ULK4: variants seen among roughly 807,000 people sequenced by gnomAD.
ULK4 encodes the protein unc-51 like kinase 4, also known as inactive serine/threonine-protein kinase ULK4.
A neutral mutation model predicts 160.6 loss-of-function variants in ULK4; 133 were observed. The ratio of observed to expected loss-of-function variants is 0.83; its 90% confidence interval spans 0.72 to 0.96. ULK4 has a LOEUF of 0.96. Ranked by LOEUF, ULK4 falls within the 40% of genes least tolerant of loss-of-function variation. The pLI, the probability that ULK4 is intolerant of heterozygous loss-of-function variation, is 0.00. For synonymous variants in ULK4, 534 were observed against 539.8 expected (o/e 0.99, Z 0.15); for missense variants, 1,580 against 1,499.5 (o/e 1.05, Z -0.89).
intron 12 of ULK4, among the ~76,000 whole-genome samples, chr3:41,905,775 T>G (rs112011853): frequency 6.6e-6 from 1 of 152,066 alleles, no homozygotes; most frequent in Non-Finnish European, 1.5e-5. Context: ...CACTAAGACA[T>G]AGAAATTCAC....
At chr3:41,792,068 A>G (rs966765541) in intron 20 of ULK4, among the ~76,000 whole-genome samples, 3 of 152,234 alleles carry the variant, frequency 2.0e-5, no homozygotes, top group African/African-American at 7.2e-5. Flanking sequence ...TGGGTAAATC[A>G]GATACCATGG....
intron 5 of ULK4, among the ~76,000 whole-genome samples, chr3:41,928,009 A>G (rs1257775903): frequency 1.3e-5 from 2 of 152,206 alleles, no homozygotes; most frequent in Non-Finnish European, 2.9e-5. Context: ...CAGACCTAAT[A>G]GACATCTACA....
intron 6 of ULK4, 54 bp downstream of exon 6, chr3:41,919,663 T>G: frequency 6.9e-7 from 1 of 1,458,028 alleles, no homozygotes; most frequent in Non-Finnish European, 9.6e-7. Context: ...AAGTACAGAC[T>G]TAACCTGGTT....
At chr3:41,748,550 T>C (rs2038500738) in intron 22 of ULK4, among the ~76,000 whole-genome samples, 1 of 152,156 alleles carries the variant, frequency 6.6e-6, no homozygotes, top group Non-Finnish European at 1.5e-5. Context: ...AAAGACCACT[T>C]CATTTTTATT....
intron 17 of ULK4, among the ~76,000 whole-genome samples, chr3:41,838,792 T>C (rs960681520): frequency 2.6e-5 from 4 of 152,120 alleles, no homozygotes; most frequent in South Asian, 2.1e-4. Context: ...ACAATTACAG[T>C]TGTGAACTTC....
chr3:41,523,129 G>A (rs1049977341), intron 32 of ULK4, among the ~76,000 whole-genome samples: 8 of 151,922 alleles, frequency 5.3e-5, no homozygotes, highest in African/African-American at 1.9e-4. Context: ...GGCTGGTCAC[G>A]AACTCCTGAC....
intron 34 of ULK4, among the ~76,000 whole-genome samples, chr3:41,402,744 A>C (rs1368659812): frequency 6.6e-6 from 1 of 152,172 alleles, no homozygotes; most frequent in Non-Finnish European, 1.5e-5. Flanking sequence ...TGATGTATTC[A>C]ATTTGCTAAT....
intron 32 of ULK4, among the ~76,000 whole-genome samples, chr3:41,558,939 A>T (rs1354049438): frequency 1.4e-5 from 2 of 140,274 alleles, no homozygotes; most frequent in East Asian, 2.1e-4. Context: ...GGTTAGTTAC[A>T]TATGTATACA....
intron 30 of ULK4, among the ~76,000 whole-genome samples, chr3:41,656,947 A>G (rs562655448): frequency 2.5e-4 from 38 of 152,346 alleles, no homozygotes; most frequent in African/African-American, 8.7e-4. Context: ...GAAACAAGAT[A>G]CTGGAGTGTT....
intron 17 of ULK4, 47 bp downstream of exon 17, chr3:41,883,827 A>C: frequency 6.7e-7 from 1 of 1,486,828 alleles, no homozygotes; most frequent in Non-Finnish European, 9.4e-7. Flanking sequence ...AGAATCAAGA[A>C]CAGTATTTCT....
intron 35 of ULK4, among the ~76,000 whole-genome samples, chr3:41,260,770 C>G (rs17266497): frequency 2.7e-3 from 417 of 152,360 alleles, no homozygotes; most frequent in Non-Finnish European, 4.1e-3. Flanking sequence ...AATGCAGATT[C>G]TCTGGAGGGT....
At chr3:41,838,807 C>A (rs1304065866) in intron 17 of ULK4, among the ~76,000 whole-genome samples, 1 of 152,140 alleles carries the variant, frequency 6.6e-6, no homozygotes, top group Non-Finnish European at 1.5e-5. Flanking sequence ...AACTTCAACA[C>A]CCCCCTCTCA....
chr3:41,631,416 C>T (rs1315042045), intron 30 of ULK4, among the ~76,000 whole-genome samples: 1 of 152,082 alleles, frequency 6.6e-6, no homozygotes, highest in East Asian at 1.9e-4. Context: ...AGACTGACTG[C>T]TTAATTTACT....
At chr3:41,621,078 A>G (rs969827847) in intron 30 of ULK4, among the ~76,000 whole-genome samples, 1 of 152,264 alleles carries the variant, frequency 6.6e-6, no homozygotes, top group African/African-American at 2.4e-5. Flanking sequence ...GACCTCTTCA[A>G]GGAGAACTAC....
Position 41,551,885 on chromosome 3 carries a change from T to C in ULK4, c.3226+14140A>G, listed in dbSNP as rs190750858. Among the ~76,000 whole-genome samples the C allele has an allele frequency of 7.2e-4, 110 of 151,954 alleles. No individual in the cohort carries two copies. The Middle Eastern group carries it at 0.01, about 14-fold the overall frequency. ...TTCAACAAAACACTAGCAAAAAGAA[T>C]CCAACAGAACATCAAAAAGATAATG... On this transcript the variant is annotated intron_variant, in intron 32 of 36. Coordinates refer to ENST00000301831, the MANE Select transcript of ULK4 (RefSeq NM_017886.4).
intron 5 of ULK4, 77 bp from the exon 6 acceptor site, chr3:41,919,895 G>A (rs1441533334): frequency 8.3e-6 from 7 of 842,736 alleles, no homozygotes; most frequent in Non-Finnish European, 1.1e-5. Flanking sequence ...GGAAAGATCT[G>A]ATGAGATGAA....
intron 32 of ULK4, among the ~76,000 whole-genome samples, chr3:41,472,980 A>G (rs1575272133): frequency 6.6e-6 from 1 of 152,242 alleles, no homozygotes; most frequent in South Asian, 2.1e-4. Flanking sequence ...ATGCAAATCA[A>G]TATCACATAA....
At chr3:41,560,997 G>A (rs1691999) in intron 32 of ULK4, among the ~76,000 whole-genome samples, 63,608 of 152,024 alleles carry the variant, frequency 0.42, 14,780 homozygotes, top group Middle Eastern at 0.52. Context: ...ATTGGCTGTG[G>A]GTATGTCATA....
intron 17 of ULK4, among the ~76,000 whole-genome samples, chr3:41,863,905 T>C (rs1463947303): frequency 3.3e-5 from 5 of 151,714 alleles, no homozygotes; most frequent in African/African-American, 9.7e-5. Context: ...CTATGCAGCC[T>C]GGGGTTGGGG....
Sources: allele counts gnomAD v4.1 joint callset (sites outside exome capture counted in the v4.1 genomes callset), GRCh38; gene constraint gnomAD v4.1.1; transcripts MANE v1.5; gene names NCBI Gene and HGNC (gene_info 2026-07-23, HGNC 2026-07-21).